SEMA5A: variants seen among roughly 807,000 people sequenced by gnomAD.
SEMA5A encodes the protein semaphorin-5A.
Under a neutral mutation model 135.5 loss-of-function variants are expected in SEMA5A, and 55 were observed. The ratio of observed to expected loss-of-function variants is 0.41; its 90% confidence interval spans 0.33 to 0.51. SEMA5A has a LOEUF of 0.51. Among genes scored for constraint, SEMA5A ranks in the 20% least tolerant of loss-of-function variants. SEMA5A has a pLI of 0.37. For missense variants in SEMA5A, 1,290 were observed against 1,419.9 expected (o/e 0.91, Z 1.47); for synonymous variants, 580 against 546.5 (o/e 1.06, Z -0.85).
intron 11 of SEMA5A, among the ~76,000 whole-genome samples, chr5:9,182,250 G>A (rs1744565099): frequency 6.6e-6 from 1 of 150,470 alleles, no homozygotes; most frequent in Non-Finnish European, 1.5e-5. Flanking sequence ...AAAAACTCCA[G>A]TGTCTTCTTT....
intron 1 of SEMA5A, among the ~76,000 whole-genome samples, chr5:9,471,573 A>C (rs1324164376): frequency 6.6e-6 from 1 of 152,244 alleles, no homozygotes; most frequent in East Asian, 1.9e-4. Context: ...ACAATTAAAA[A>C]AACATTTTTA....
intron 1 of SEMA5A, among the ~76,000 whole-genome samples, chr5:9,468,738 A>G (rs1759360281): frequency 6.6e-6 from 1 of 152,190 alleles, no homozygotes; most frequent in South Asian, 2.1e-4. Flanking sequence ...CAGCTACATG[A>G]TAGTTTGGGG....
intron 1 of SEMA5A, among the ~76,000 whole-genome samples, chr5:9,525,575 A>G (rs1349638515): frequency 2.0e-5 from 3 of 152,218 alleles, no homozygotes; most frequent in Non-Finnish European, 4.4e-5. Context: ...TACCAGGAGC[A>G]CTTGTCTCTC....
chr5:9,225,036 C>T (rs1364476094), intron 7 of SEMA5A, 149 bp from the exon 8 acceptor site: 1 of 647,238 alleles, frequency 1.5e-6, no homozygotes, highest in African/African-American at 1.8e-5. Flanking sequence ...TACATTCCAA[C>T]TGATGTAAAG....
chr5:9,318,914 T>C (rs981919802), intron 4 of SEMA5A, among the ~76,000 whole-genome samples: 1 of 152,138 alleles, frequency 6.6e-6, no homozygotes, highest in Non-Finnish European at 1.5e-5. Flanking sequence ...AAATATGAAC[T>C]TGGGCCCGGC....
intron 13 of SEMA5A, among the ~76,000 whole-genome samples, chr5:9,136,287 A>G (rs554825598): frequency 6.6e-6 from 1 of 152,340 alleles, no homozygotes; most frequent in East Asian, 1.9e-4. Flanking sequence ...TTCTGTGAAG[A>G]CATTTCTCTT....
At chr5:9,277,261 T>G (rs1750310547) in intron 5 of SEMA5A, among the ~76,000 whole-genome samples, 1 of 152,008 alleles carries the variant, frequency 6.6e-6, no homozygotes, top group South Asian at 2.1e-4. Flanking sequence ...AAAACCACAA[T>G]GAGATAACAT....
chr5:9,301,065 AT>A (rs1387786895), intron 5 of SEMA5A, among the ~76,000 whole-genome samples: 1 of 152,216 alleles, frequency 6.6e-6, no homozygotes, highest in African/African-American at 2.4e-5. Context: ...GACAACTTAT[AT>A]TCTCTCTAAT....
chr5:9,402,097 C>T (rs543896249), intron 2 of SEMA5A, among the ~76,000 whole-genome samples: 245 of 152,344 alleles, frequency 1.6e-3, no homozygotes, highest in Middle Eastern at 3.4e-3. Flanking sequence ...TTTGGCCCAT[C>T]TATCTCTCTT....
intron 2 of SEMA5A, among the ~76,000 whole-genome samples, chr5:9,401,953 T>C (rs1368651779): frequency 2.0e-5 from 3 of 152,172 alleles, no homozygotes; most frequent in African/African-American, 7.2e-5. Flanking sequence ...CGTGTATGTG[T>C]TGCTACACAC....
At chr5:9,442,015 A>C (rs1473439451) in intron 1 of SEMA5A, among the ~76,000 whole-genome samples, 1 of 152,184 alleles carries the variant, frequency 6.6e-6, no homozygotes. Flanking sequence ...GAAGGGGAGA[A>C]GCTGGGGTAA....
chr5:9,491,942 C>CTCTCTCT lies in SEMA5A; in HGVS notation c.-175+53635_-175+53641dup. Among the ~76,000 whole-genome samples, 7 of 152,320 alleles carry CTCTCTCT rather than the reference C, an allele frequency of 4.6e-5. 2 individuals are homozygous for CTCTCTCT. The highest frequency in any genetic ancestry group is 4.6e-4 in the Admixed American group (7 of 15,304). ...CAGACAAACACAACTTGCCACTATT[C>CTCTCTCT]TCTCTCTTCCTTGGCAAATCTATGA... On this transcript the variant is annotated intron_variant, in intron 1 of 22. Coordinates refer to ENST00000382496, the MANE Select transcript of SEMA5A (RefSeq NM_003966.3).
chr5:9,090,770 T>G (rs904273617), intron 16 of SEMA5A, among the ~76,000 whole-genome samples: 3 of 152,260 alleles, frequency 2.0e-5, no homozygotes, highest in African/African-American at 7.2e-5. Flanking sequence ...TCCAAGAGTC[T>G]CCATTCGTCC....
At chr5:9,161,670 C>A (rs1486785299) in intron 11 of SEMA5A, among the ~76,000 whole-genome samples, 2 of 152,216 alleles carry the variant, frequency 1.3e-5, no homozygotes, top group Non-Finnish European at 2.9e-5. Flanking sequence ...CAGGGGTGTC[C>A]TGGTGCTGCT....
chr5:9,039,917 G>C lies in SEMA5A; in HGVS notation c.*2980C>G, dbSNP rs1000644814. 1 of 152,192 alleles carries C rather than the reference G, an allele frequency of 6.6e-6. No homozygotes were observed. The highest frequency in any genetic ancestry group is 1.5e-5 in the Non-Finnish European group (1 of 68,064). The allele number at this position is 152,192 out of a possible 1,614,324, so 9.4% of individuals were successfully genotyped here. Reference sequence around the variant, plus strand: ...TGCACTGTAAAATCAATAGTAGATGGTGATGAGTCTGGCCTCAAGAAAGGA... The same window carrying C: ...TGCACTGTAAAATCAATAGTAGATGCTGATGAGTCTGGCCTCAAGAAAGGA... On this transcript the variant is annotated 3_prime_UTR_variant, in exon 23 of 23. Transcript: ENST00000382496.
At chr5:9,408,957 G>A (rs2126596630) in intron 2 of SEMA5A, among the ~76,000 whole-genome samples, 1 of 152,188 alleles carries the variant, frequency 6.6e-6, no homozygotes, top group Non-Finnish European at 1.5e-5. Context: ...AAGAAAATTT[G>A]GGCCCATTTT....
At chr5:9,454,529 C>T (rs1053101105) in intron 1 of SEMA5A, among the ~76,000 whole-genome samples, 7 of 152,170 alleles carry the variant, frequency 4.6e-5, no homozygotes, top group Non-Finnish European at 1.0e-4. Flanking sequence ...TAAACCAGTA[C>T]AGAACAGCCA....
chr5:9,288,296 G>A (rs1750899167), intron 5 of SEMA5A, among the ~76,000 whole-genome samples: 1 of 152,198 alleles, frequency 6.6e-6, no homozygotes, highest in Non-Finnish European at 1.5e-5. Context: ...GGGGGATAAA[G>A]GGTCATAAAG....
intron 12 of SEMA5A, among the ~76,000 whole-genome samples, chr5:9,137,726 G>A (rs568032635): frequency 8.5e-5 from 13 of 152,286 alleles, no homozygotes; most frequent in African/African-American, 3.1e-4. Flanking sequence ...CAGAAGTCAT[G>A]GCTTAACCAT....
Sources: gnomAD v4.1 joint callset for allele counts (sites outside exome capture counted in the v4.1 genomes callset) on GRCh38, gnomAD v4.1.1 for gene constraint, MANE v1.5 for transcripts, NCBI Gene and HGNC (gene_info 2026-07-23, HGNC 2026-07-21) for gene names.